Variants in ACSS3 observed in about 807,000 individuals in gnomAD.
ACSS3 encodes the protein acyl-CoA synthetase short chain family member 3, also known as acyl-CoA synthetase short-chain family member 3, mitochondrial.
A neutral mutation model predicts 84.2 loss-of-function variants in ACSS3; 64 were observed. That is an observed-to-expected ratio of 0.76 (90% confidence interval 0.62 to 0.94). ACSS3 has a LOEUF of 0.94. Ranked by LOEUF, ACSS3 falls within the 40% of genes least tolerant of loss-of-function variation. The pLI, the probability that ACSS3 is intolerant of heterozygous loss-of-function variation, is 0.00. For synonymous variants in ACSS3, 317 were observed against 310.1 expected (o/e 1.02, Z -0.23); for missense variants, 815 against 867.6 (o/e 0.94, Z 0.76).
chr12:81,170,172 A>G (rs1014072844), intron 7 of ACSS3, among the ~76,000 whole-genome samples: 21 of 152,134 alleles, frequency 1.4e-4, no homozygotes, highest in Admixed American at 2.0e-4. Context: ...GTTTAATTAT[A>G]ATTTTATTTT....
At chr12:81,148,706 G>A (rs1469813461) in intron 5 of ACSS3, among the ~76,000 whole-genome samples, 1 of 151,854 alleles carries the variant, frequency 6.6e-6, no homozygotes, top group African/African-American at 2.4e-5. Flanking sequence ...GCAGGTTACA[G>A]GGTTTTTATG....
intron 9 of ACSS3, among the ~76,000 whole-genome samples, chr12:81,204,882 A>G (rs1312811251): frequency 1.3e-5 from 2 of 152,156 alleles, no homozygotes; most frequent in Non-Finnish European, 2.9e-5. Flanking sequence ...TAAAATTCTT[A>G]GATAATTCAC....
At chr12:81,198,313 CA>C (rs2031933550) in intron 8 of ACSS3, among the ~76,000 whole-genome samples, 1 of 151,928 alleles carries the variant, frequency 6.6e-6, no homozygotes, top group African/African-American at 2.4e-5. Flanking sequence ...TAGACAAAAA[CA>C]AAAGAAGTCT....
chr12:81,194,644 A>G (rs1180150129), intron 8 of ACSS3, among the ~76,000 whole-genome samples: 3 of 152,024 alleles, frequency 2.0e-5, no homozygotes, highest in Non-Finnish European at 4.4e-5. Context: ...CAGCATGACG[A>G]TTGCTATAAT....
intron 2 of ACSS3, among the ~76,000 whole-genome samples, chr12:81,134,171 A>G (rs1379926587): frequency 2.6e-5 from 4 of 152,108 alleles, no homozygotes; most frequent in African/African-American, 9.7e-5. Context: ...CAGTAGAAAG[A>G]GCAAAGAATA....
At chr12:81,115,940 A>G (rs998614924) in intron 2 of ACSS3, among the ~76,000 whole-genome samples, 3 of 152,154 alleles carry the variant, frequency 2.0e-5, no homozygotes, top group African/African-American at 7.2e-5. Flanking sequence ...TGCAACAGGA[A>G]GCACCAGTGC....
intron 9 of ACSS3, among the ~76,000 whole-genome samples, chr12:81,213,938 TCTCTCTCTCTCC>T (rs201083559): frequency 1.0e-5 from 1 of 97,618 alleles, no homozygotes; most frequent in Non-Finnish European, 2.2e-5. Flanking sequence ...CCTTCCTTTC[TCTCTCTCTCTCC>T]CTCTCTCTCT....
intron 9 of ACSS3, among the ~76,000 whole-genome samples, chr12:81,208,192 A>G (rs551848748): frequency 6.6e-6 from 1 of 152,278 alleles, no homozygotes; most frequent in East Asian, 1.9e-4. Flanking sequence ...GATTAATATG[A>G]TTCAGCAGTA....
intron 8 of ACSS3, among the ~76,000 whole-genome samples, chr12:81,177,051 A>T (rs1342364056): frequency 6.6e-6 from 1 of 152,248 alleles, no homozygotes; most frequent in African/African-American, 2.4e-5. Context: ...CATAAAAATA[A>T]CTAAAAACAA....
At chr12:81,123,003 C>T (rs566106359) in intron 2 of ACSS3, among the ~76,000 whole-genome samples, 2 of 152,080 alleles carry the variant, frequency 1.3e-5, no homozygotes, top group South Asian at 2.1e-4. Context: ...TGTTTGGGTT[C>T]CAGTCTGGCC....
At chr12:81,205,017 T>C (rs1396184097) in intron 9 of ACSS3, among the ~76,000 whole-genome samples, 1 of 152,122 alleles carries the variant, frequency 6.6e-6, no homozygotes, top group Non-Finnish European at 1.5e-5. Flanking sequence ...CTTTGTGGAG[T>C]TCTTCTATCT....
chr12:81,139,912 G>A (rs1259997979), intron 4 of ACSS3, among the ~76,000 whole-genome samples: 1 of 152,028 alleles, frequency 6.6e-6, no homozygotes, highest in African/African-American at 2.4e-5. Flanking sequence ...TGGGATTACA[G>A]GTGTGAGCCA....
At chr12:81,155,002 G>A (rs1479507780) in intron 7 of ACSS3, among the ~76,000 whole-genome samples, 1 of 152,014 alleles carries the variant, frequency 6.6e-6, no homozygotes, top group Non-Finnish European at 1.5e-5. Flanking sequence ...GCCCCTTTTT[G>A]TGGTCCCGTT....
At chr12:81,180,481 A>G (rs1478152927) in intron 8 of ACSS3, among the ~76,000 whole-genome samples, 2 of 152,190 alleles carry the variant, frequency 1.3e-5, no homozygotes, top group African/African-American at 2.4e-5. Context: ...ATATCTATCT[A>G]TCCATCTATG....
At chr12:81,108,521 C>T (rs1270209654) in intron 1 of ACSS3, among the ~76,000 whole-genome samples, 3 of 152,026 alleles carry the variant, frequency 2.0e-5, no homozygotes, top group Non-Finnish European at 4.4e-5. Flanking sequence ...TCGTGATCCA[C>T]CCACCTCAGC....
intron 7 of ACSS3, among the ~76,000 whole-genome samples, chr12:81,173,762 G>A (rs529688473): frequency 6.6e-6 from 1 of 152,058 alleles, no homozygotes; most frequent in Non-Finnish European, 1.5e-5. Flanking sequence ...CATTTACAGA[G>A]TTTCATGGGA....
At chr12:81,243,361 G>A (rs932076166) in intron 13 of ACSS3, among the ~76,000 whole-genome samples, 1 of 152,074 alleles carries the variant, frequency 6.6e-6, no homozygotes, top group Non-Finnish European at 1.5e-5. Flanking sequence ...AATAAAAGAG[G>A]ATACAAAGAA....
At chr12:81,110,544 T>TA (rs1883488528) in intron 2 of ACSS3, among the ~76,000 whole-genome samples, 1 of 152,206 alleles carries the variant, frequency 6.6e-6, no homozygotes, top group Non-Finnish European at 1.5e-5. Context: ...GAACATTTAC[T>TA]AAAAATGATT....
chr12:81,213,295 T>G (rs1275695340), intron 9 of ACSS3, among the ~76,000 whole-genome samples: 3 of 152,038 alleles, frequency 2.0e-5, no homozygotes, highest in Non-Finnish European at 4.4e-5. Context: ...CGTGGACCAG[T>G]TTGAGAGCAA....
Sources: allele counts gnomAD v4.1 joint callset (sites outside exome capture counted in the v4.1 genomes callset), GRCh38; gene constraint gnomAD v4.1.1; transcripts MANE v1.5; gene names NCBI Gene and HGNC (gene_info 2026-07-23, HGNC 2026-07-21).